FPGS: variants seen among roughly 807,000 people sequenced by gnomAD.
FPGS encodes the protein folylpolyglutamate synthase.
Under a neutral mutation model 66.5 loss-of-function variants are expected in FPGS, and 53 were observed. The observed-to-expected ratio is 0.80, with a 90% CI of 0.64 to 1.00. The LOEUF (loss-of-function observed/expected upper bound fraction) is 1.00, where lower values mean the gene tolerates loss of function less well. Among genes scored for constraint, FPGS ranks in the 50% least tolerant of loss-of-function variants. The pLI, the probability that FPGS is intolerant of heterozygous loss-of-function variation, is 0.00. For missense variants in FPGS, 702 were observed against 807.7 expected (o/e 0.87, Z 1.59); for synonymous variants, 348 against 350.9 (o/e 0.99, Z 0.09).
Position 127,813,498 on chromosome 9 carries a change from G to A in FPGS, c.1658G>A (p.Gly553Glu). 2 of 1,613,124 alleles carry A rather than the reference G, an allele frequency of 1.2e-6. No homozygotes were observed. Among genetic ancestry groups the A allele is most frequent in the Non-Finnish European group, 1.7e-6 (2 of 1,179,684 alleles). The change falls in exon 15 of 15, where the codon GGG becomes GAG. Residue 553 changes from glycine (G) to glutamate (E), a missense_variant. Gly to Glu is a moderately conservative substitution (Grantham distance 98, BLOSUM62 -2). Around this residue, in one of 3 missense-constraint regions of FPGS, gnomAD observed 351 missense variants for 363.7 expected, o/e 0.97. Transcript: ENST00000373247. ...CTCACCCACCCTGTGGCTCACAGTG[G>A]GGCCAGCATACTCCGTGAGGCTGCT... ...GLLTHPVAHS[G>E]ASILREAAAI...
chr9:127,804,968 A>C (rs1829753405), intron 4 of FPGS: 1 of 391,158 alleles, frequency 2.6e-6, no homozygotes. Context: ...GGCTCACTGC[A>C]ACCCCCGCCT....
chr9:127,811,127 C>T (rs1463957472), intron 14 of FPGS, 116 bp downstream of exon 14: 2 of 558,004 alleles, frequency 3.6e-6, no homozygotes, highest in East Asian at 3.0e-5. Context: ...TGTGTAAGAA[C>T]ACTTTAGTGT....
intron 8 of FPGS, 123 bp from the exon 9 acceptor site, chr9:127,808,111 A>G: frequency 4.2e-6 from 3 of 715,358 alleles, no homozygotes; most frequent in Middle Eastern, 2.4e-4. Context: ...ATCTCGAAAA[A>G]GAAAAGAAAA....
At position 127,807,702 on chromosome 9, in the gene FPGS, C is replaced by T; in HGVS notation, c.744+14C>T. ...GGCATCTTTAAGGTGACCAGGCAGA[C>T]TGGGGGAAGGGAGAGACATGGAAGG... is the stretch of plus-strand genomic sequence containing the variant. On this transcript the variant is annotated intron_variant, in intron 8 of 14. Coordinates refer to ENST00000373247, the MANE Select transcript of FPGS (RefSeq NM_004957.6). This position sits in a 1 kb window ranked among gnomAD's most constrained non-coding sequence, Gnocchi z 5.8. 1 of 1,533,442 alleles carries T rather than the reference C, an allele frequency of 6.5e-7. No homozygotes were observed. 95.0% of individuals were successfully genotyped at this position (1,533,442 alleles called of 1,614,324 possible).
At position 127,807,122 on chromosome 9, in the gene FPGS, G is replaced by T; in HGVS notation, c.501+35G>T. On this transcript the variant is annotated intron_variant, in intron 5 of 14. Transcript: ENST00000373247. The surrounding 1 kb of genome is among the most constrained non-coding windows in gnomAD (Gnocchi z 5.8). ...GCAGGAGGGCTGGCGGGTGGGTATGGTTGGGGGTGCTACGTGTTCCAGCAC... is the reference window on the plus strand; with the variant it reads ...GCAGGAGGGCTGGCGGGTGGGTATGTTTGGGGGTGCTACGTGTTCCAGCAC... The T allele has an allele frequency of 6.2e-7, 1 of 1,610,590 alleles. No individual in the cohort carries two copies. Among genetic ancestry groups the T allele is most frequent in the Non-Finnish European group, 8.5e-7 (1 of 1,176,872 alleles).
In FPGS at chr9:127,803,090, G is replaced by C. The variant is rs138322374; in HGVS notation, c.138+28G>C. 464 of 1,366,094 alleles carry C rather than the reference G, an allele frequency of 3.4e-4. 1 individual carries two copies. Among genetic ancestry groups the C allele is most frequent in the Non-Finnish European group, 4.1e-4 (440 of 1,065,046 alleles). The allele number at this position is 1,366,094 out of a possible 1,614,324, so 84.6% of individuals were successfully genotyped here. A position where few individuals can be genotyped will look rare whatever the true frequency, so the allele number is the denominator to read the frequency against. On this transcript the variant is annotated intron_variant, in intron 1 of 14. Coordinates refer to ENST00000373247, the MANE Select transcript of FPGS (RefSeq NM_004957.6). ...ATCAGGCGGGCCAGCGGGCCAGCGG[G>C]CCTGGGCGCGACGACACGTGGGCCT...
rs575096569 is a variant in FPGS at position 127,807,400 on chromosome 9, A to G, written c.580-21A>G. ...TCTGGGCACCCTCATATCCCCTGCCATGCCCTCTGGTCTTTGACAGGTGGA... is the reference window on the plus strand; with the variant it reads ...TCTGGGCACCCTCATATCCCCTGCCGTGCCCTCTGGTCTTTGACAGGTGGA... On this transcript the variant is annotated intron_variant, in intron 6 of 14. Coordinates refer to ENST00000373247, the MANE Select transcript of FPGS (RefSeq NM_004957.6). This position sits in a 1 kb window ranked among gnomAD's most constrained non-coding sequence, Gnocchi z 5.8. 20 of 1,613,548 alleles carry G rather than the reference A, an allele frequency of 1.2e-5. No individual in the cohort carries two copies. In the African/African-American group the frequency reaches 2.5e-4, roughly 20 times the overall value.
In FPGS at chr9:127,807,693, C is replaced by T. The variant is rs560807113; in HGVS notation, c.744+5C>T. 9.6e-6 allele frequency: 15 copies of T among 1,559,610 alleles called. No homozygotes were observed. The South Asian group carries it at 1.6e-4, about 17-fold the overall frequency. On this transcript the variant is annotated splice_donor_5th_base_variant and intron_variant, in intron 8 of 14. Coordinates refer to ENST00000373247, the MANE Select transcript of FPGS (RefSeq NM_004957.6). The surrounding 1 kb of genome is among the most constrained non-coding windows in gnomAD (Gnocchi z 5.8). Reference sequence around the variant, plus strand: ...CAGAAAGGGGGCATCTTTAAGGTGACCAGGCAGACTGGGGGAAGGGAGAGA... The same window carrying T: ...CAGAAAGGGGGCATCTTTAAGGTGATCAGGCAGACTGGGGGAAGGGAGAGA...
chr9:127,808,107 AAAAAG>A lies in FPGS; in HGVS notation c.745-113_745-109del, dbSNP rs1030041217. The A allele has an allele frequency of 1.4e-4, 99 of 720,352 alleles. 1 individual carries two copies. The highest frequency in any genetic ancestry group is 8.6e-4 in the South Asian group (50 of 58,050). 44.6% of individuals were successfully genotyped at this position (720,352 alleles called of 1,614,324 possible). A position where few individuals can be genotyped will look rare whatever the true frequency, so the allele number is the denominator to read the frequency against. On this transcript the variant is annotated intron_variant, in intron 8 of 14. Coordinates refer to ENST00000373247, the MANE Select transcript of FPGS (RefSeq NM_004957.6). Reference sequence around the variant, plus strand: ...GGTGACAGAGTGAGACTTCATCTCGAAAAAGAAAAGAAAAGAAACATGAGGGATGA... The same window carrying A: ...GGTGACAGAGTGAGACTTCATCTCGAAAAAGAAAAGAAACATGAGGGATGA...
intron 12 of FPGS, 49 bp from the exon 13 acceptor site, chr9:127,809,982 A>C (rs1588560630): frequency 6.4e-7 from 1 of 1,554,580 alleles, no homozygotes; most frequent in South Asian, 1.2e-5. Flanking sequence ...TTGGTACCGC[A>C]GGGAGAACGG....
rs1830189898 is a variant in FPGS, at chr9:127,813,719, A to G, written c.*115A>G. 2.9e-6 allele frequency: 4 copies of G among 1,370,020 alleles called. No homozygotes were observed. Among genetic ancestry groups the G allele is most frequent in the African/African-American group, 1.5e-5 (1 of 66,806 alleles). The allele number at this position is 1,370,020 out of a possible 1,614,324, so 84.9% of individuals were successfully genotyped here. ...TTCCTGGTTCTGTCTAGACTGGCCT[A>G]GGGGCCAGGGCTTTGGGATGGGAGG... On this transcript the variant is annotated 3_prime_UTR_variant, in exon 15 of 15. Coordinates refer to ENST00000373247, the MANE Select transcript of FPGS (RefSeq NM_004957.6).
intron 1 of FPGS, chr9:127,803,343 C>G (rs535996340): frequency 1.7e-6 from 2 of 1,168,958 alleles, no homozygotes; most frequent in Non-Finnish European, 2.1e-6. Context: ...AGAGGCTCAG[C>G]GGTGCTTCTG....
Position 127,804,265 on chromosome 9 carries a change from CT to C in FPGS, c.139-19del. ...CCCTGAGTGAGCCTTAACCTACTAT[CT>C]GGGCACTGTGGTTGCCAGGATGCCG... On this transcript the variant is annotated intron_variant, in intron 1 of 14. Transcript: ENST00000373247. 6.2e-7 allele frequency: 1 copy of C among 1,612,200 alleles called. No homozygotes were observed. The highest frequency in any genetic ancestry group is 8.5e-7 in the Non-Finnish European group (1 of 1,178,948).
intron 14 of FPGS, among the ~76,000 whole-genome samples, chr9:127,812,541 G>T (rs539296686): frequency 6.6e-6 from 1 of 151,814 alleles, no homozygotes; most frequent in East Asian, 1.9e-4. Flanking sequence ...TTGCTCTGTC[G>T]CCCAGGCTGG....
chr9:127,805,837 G>C (rs1740508928), intron 4 of FPGS, among the ~76,000 whole-genome samples: 1 of 152,086 alleles, frequency 6.6e-6, no homozygotes, highest in African/African-American at 2.4e-5. Context: ...CCCCCTCTTG[G>C]TCTCACTTGT....
intron 4 of FPGS, chr9:127,806,474 C>T (rs1034947198): frequency 5.6e-5 from 9 of 162,116 alleles, no homozygotes; most frequent in Admixed American, 5.1e-4. Context: ...CCACTGCACT[C>T]CAGCCTAGGC....
chr9:127,807,215 A>G lies in FPGS; in HGVS notation c.508A>G (p.Ser170Gly). ...ACATGTCCCTGTGCCACAGGATGGC[A>G]GCTGTGTCTCCATGCCCCCCTACTT... ...YHRLEETKDG[S>G]CVSMPPYFRF... is the part of the protein sequence containing the mutation. Residue 170 changes from serine (S) to glycine (G), a missense_variant, in exon 6 of 15, where the codon AGC becomes GGC. By Grantham distance (56) the Ser-to-Gly change is moderately conservative. Coordinates refer to ENST00000373247, the MANE Select transcript of FPGS (RefSeq NM_004957.6). This position sits in a 1 kb window ranked among gnomAD's most constrained non-coding sequence, Gnocchi z 5.8. 6.2e-7 allele frequency: 1 copy of G among 1,614,106 alleles called. No individual in the cohort carries two copies. Among genetic ancestry groups the G allele is most frequent in the Non-Finnish European group, 8.5e-7 (1 of 1,180,000 alleles).
In FPGS at chr9:127,807,155, C is replaced by T. The variant is rs529789950; in HGVS notation, c.502-54C>T. Reference sequence around the variant, plus strand: ...TGCTACGTGTTCCAGCACCCCATCTCCCCAGAGAAGGGGCTGCATGGGCTC... The same window carrying T: ...TGCTACGTGTTCCAGCACCCCATCTTCCCAGAGAAGGGGCTGCATGGGCTC... On this transcript the variant is annotated intron_variant, in intron 5 of 14. Transcript: ENST00000373247. This position sits in a 1 kb window ranked among gnomAD's most constrained non-coding sequence, Gnocchi z 5.8. 1 of 1,610,852 alleles carries T rather than the reference C, an allele frequency of 6.2e-7. No individual in the cohort carries two copies. Among genetic ancestry groups the T allele is most frequent in the African/African-American group, 1.3e-5 (1 of 74,952 alleles).
intron 4 of FPGS, 37 bp downstream of exon 4, chr9:127,804,737 A>G: frequency 6.2e-7 from 1 of 1,607,404 alleles, no homozygotes; most frequent in African/African-American, 1.3e-5. Context: ...TCTGTGTCCC[A>G]ATGGACCCTG....
Sources: allele counts gnomAD v4.1 joint callset (sites outside exome capture counted in the v4.1 genomes callset), GRCh38; gene constraint gnomAD v4.1.1; regional missense constraint gnomAD v4.1.1; non-coding constraint Gnocchi (gnomAD v3.1); transcripts MANE v1.5; gene names NCBI Gene and HGNC (gene_info 2026-07-23, HGNC 2026-07-21).